ATOSA: variants seen among roughly 807,000 people sequenced by gnomAD.
ATOSA encodes the protein atos homolog protein A.
the ATOSA span, among the ~76,000 whole-genome samples, chr15:52,667,502 T>C: frequency 4.4e-4 from 67 of 152,372 alleles, 1 homozygote; most frequent in Admixed American, 9.1e-4. Flanking sequence ...ATTGCAGGTA[T>C]ACAGAAGAAT....
At chr15:52,606,500 A>T in the ATOSA span, among the ~76,000 whole-genome samples, 1 of 152,172 alleles carries the variant, frequency 6.6e-6, no homozygotes, top group African/African-American at 2.4e-5. Flanking sequence ...CTACCTTCAT[A>T]TCAAAGTGAG....
At chr15:52,634,392 AG>A in the ATOSA span, among the ~76,000 whole-genome samples, 1 of 152,178 alleles carries the variant, frequency 6.6e-6, no homozygotes, top group East Asian at 1.9e-4. Context: ...TGACAAAGCG[AG>A]GAAAAAAGAA....
the ATOSA span, chr15:52,657,753 T>C: frequency 6.6e-6 from 1 of 152,170 alleles, no homozygotes; most frequent in South Asian, 2.1e-4. Context: ...ACAGAGAAGG[T>C]AACAAAATCA....
chr15:52,680,667 G>C, the ATOSA span, among the ~76,000 whole-genome samples: 1 of 152,280 alleles, frequency 6.6e-6, no homozygotes, highest in African/African-American at 2.4e-5. Flanking sequence ...CTCCACGATT[G>C]TATCTAATCA....
the ATOSA span, chr15:52,582,059 AC>A: frequency 1.0e-6 from 1 of 980,312 alleles, no homozygotes; most frequent in Non-Finnish European, 1.4e-6. Context: ...GAGAGAATCC[AC>A]TCTCCTGATT....
At chr15:52,677,983 C>A in the ATOSA span, 6 of 1,613,842 alleles carry the variant, frequency 3.7e-6, no homozygotes, top group African/African-American at 6.7e-5. Context: ...GGGGAACAAG[C>A]CCTACTTAAA....
chr15:52,698,502 C>A, the ATOSA span, among the ~76,000 whole-genome samples: 3 of 152,068 alleles, frequency 2.0e-5, no homozygotes, highest in Non-Finnish European at 4.4e-5. Flanking sequence ...TCCAAATGCT[C>A]AAATAAATTG....
At chr15:52,633,566 G>A in the ATOSA span, among the ~76,000 whole-genome samples, 1 of 152,046 alleles carries the variant, frequency 6.6e-6, no homozygotes, top group East Asian at 1.9e-4. Context: ...GCATTGAAGA[G>A]GAGACAGTAG....
the ATOSA span, chr15:52,611,433 T>A: frequency 8.7e-7 from 1 of 1,151,184 alleles, no homozygotes; most frequent in Non-Finnish European, 1.2e-6. Flanking sequence ...CTATATTTAC[T>A]CATTTTAGTG....
chr15:52,592,296 A>G, the ATOSA span, among the ~76,000 whole-genome samples: 2 of 152,320 alleles, frequency 1.3e-5, no homozygotes, highest in South Asian at 2.1e-4. Flanking sequence ...CAATGCCTAC[A>G]GTAATCTGCA....
At chr15:52,614,967 C>T in the ATOSA span, among the ~76,000 whole-genome samples, 53 of 152,216 alleles carry the variant, frequency 3.5e-4, 1 homozygote, top group South Asian at 9.7e-3. Context: ...TGTTCTATTG[C>T]TATTATTTAC....
chr15:52,684,854 G>A, the ATOSA span, among the ~76,000 whole-genome samples: 1 of 152,090 alleles, frequency 6.6e-6, no homozygotes, highest in African/African-American at 2.4e-5. Flanking sequence ...TGGGATTACA[G>A]GCATGAGCCA....
chr15:52,663,115 C>T, the ATOSA span, among the ~76,000 whole-genome samples: 22 of 152,112 alleles, frequency 1.4e-4, no homozygotes, highest in Non-Finnish European at 2.1e-4. Flanking sequence ...GTCTATCTGC[C>T]GACCGTTAAA....
At chr15:52,680,762 CA>C in the ATOSA span, among the ~76,000 whole-genome samples, 1 of 152,194 alleles carries the variant, frequency 6.6e-6, no homozygotes, top group Non-Finnish European at 1.5e-5. Context: ...CAAATGGAAA[CA>C]GTTCTTTAAT....
the ATOSA span, among the ~76,000 whole-genome samples, chr15:52,692,524 T>C: frequency 1.3e-5 from 2 of 152,182 alleles, no homozygotes; most frequent in East Asian, 1.9e-4. Flanking sequence ...ACCCAGCTAA[T>C]TGTATTTTTT....
the ATOSA span, among the ~76,000 whole-genome samples, chr15:52,695,143 T>C: frequency 6.6e-6 from 1 of 152,132 alleles, no homozygotes; most frequent in Non-Finnish European, 1.5e-5. Flanking sequence ...CAGGCTGGTC[T>C]TGAACTCCTG....
the ATOSA span, among the ~76,000 whole-genome samples, chr15:52,703,670 G>C: frequency 6.6e-6 from 1 of 151,162 alleles, no homozygotes; most frequent in East Asian, 1.9e-4. Context: ...ATAAAATGTG[G>C]TACACACACC....
the ATOSA span, among the ~76,000 whole-genome samples, chr15:52,697,827 A>AAAG: frequency 4.6e-5 from 7 of 152,064 alleles, no homozygotes; most frequent in Non-Finnish European, 1.0e-4. Flanking sequence ...ATTATGAAAT[A>AAAG]AAGCTCACGG....
the ATOSA span, chr15:52,678,149 C>T: frequency 1.7e-6 from 2 of 1,180,844 alleles, no homozygotes; most frequent in African/African-American, 1.5e-5. Flanking sequence ...TAAAATTAAT[C>T]TGGCCCTATT....
Sources: gnomAD v4.1 joint callset for allele counts (sites outside exome capture counted in the v4.1 genomes callset) on GRCh38, gnomAD v4.1.1 for gene constraint, MANE v1.5 for transcripts, NCBI Gene and HGNC (gene_info 2026-07-23, HGNC 2026-07-21) for gene names.